Variants in SRGAP2B observed in about 807,000 individuals in gnomAD.
The protein encoded by SRGAP2B is SLIT-ROBO Rho GTPase activating protein 2B, also known as SLIT-ROBO Rho GTPase-activating protein 2B.
In SRGAP2B, 9 loss-of-function variants were observed where a neutral mutation model predicts 22.2. That is an observed-to-expected ratio of 0.41 (90% confidence interval 0.24 to 0.71). The LOEUF is 0.71. Among genes scored for constraint, SRGAP2B ranks in the 30% least tolerant of loss-of-function variants. The pLI, the probability that SRGAP2B is intolerant of heterozygous loss-of-function variation, is 0.35. For missense variants in SRGAP2B, 114 were observed against 235.8 expected (o/e 0.48, Z 3.38); for synonymous variants, 36 against 87.4 (o/e 0.41, Z 3.28).
chr1:145,089,985 G>C lies in SRGAP2B; in HGVS notation c.67+2850C>G, dbSNP rs1422668830. The stretch of plus-strand genomic sequence containing the variant: ...GTCATGTAACTTGCCTGAAGTGAAA[G>C]GCTATCTACTGGCAGAACCAAGATT... On this transcript the variant is annotated intron_variant, in intron 2 of 9. Transcript: ENST00000612199. Among the ~76,000 whole-genome samples the C allele has an allele frequency of 2.7e-5, 4 of 146,056 alleles. 1 individual carries two copies. The highest frequency in any genetic ancestry group is 5.9e-5 in the Non-Finnish European group (4 of 67,774).
chr1:144,985,609 T>C (rs1669653708), intron 3 of SRGAP2B, among the ~76,000 whole-genome samples: 1 of 150,508 alleles, frequency 6.6e-6, no homozygotes, highest in South Asian at 2.1e-4. Flanking sequence ...CAGCAACGCA[T>C]AGGAATACAT....
intron 2 of SRGAP2B, among the ~76,000 whole-genome samples, chr1:145,035,938 CAA>C (rs587600117): frequency 2.2e-5 from 2 of 92,198 alleles, no homozygotes; most frequent in East Asian, 3.2e-4. Context: ...TTTCAGAAGA[CAA>C]AAAAAAAAAA....
chr1:144,984,857 G>A (rs1386416996), intron 3 of SRGAP2B, among the ~76,000 whole-genome samples: 5 of 150,462 alleles, frequency 3.3e-5, no homozygotes, highest in Admixed American at 6.6e-5. Flanking sequence ...CAAGGGTCAA[G>A]GCCCTCCACA....
At chr1:145,042,556 A>AGGAG (rs1553627809) in intron 2 of SRGAP2B, among the ~76,000 whole-genome samples, 1 of 66,000 alleles carries the variant, frequency 1.5e-5, no homozygotes, top group East Asian at 3.5e-4. Flanking sequence ...CTGGGAAGTA[A>AGGAG]GGAGGGAATT....
rs1468828544 is a variant in SRGAP2B at position 145,040,573 on chromosome 1, G to A, written c.68-45373C>T. Reference sequence around the variant, plus strand: ...TGTAACATTAAAAATAGCCATGGACGATATACAAACCCATGGGTATGACTG... The same window carrying A: ...TGTAACATTAAAAATAGCCATGGACAATATACAAACCCATGGGTATGACTG... On this transcript the variant is annotated intron_variant, in intron 2 of 9. Transcript: ENST00000612199. 1.8e-4 allele frequency among the ~76,000 whole-genome samples: 27 copies of A among 149,996 alleles called. 1 individual carries two copies. The highest frequency in any genetic ancestry group is 3.4e-4 in the Non-Finnish European group (23 of 67,346).
intron 3 of SRGAP2B, among the ~76,000 whole-genome samples, chr1:144,970,391 G>A (rs1342304347): frequency 2.3e-4 from 26 of 115,158 alleles, no homozygotes; most frequent in East Asian, 2.2e-3. Flanking sequence ...GTAAACTATC[G>A]CAAGAACAAA....
chr1:144,999,900 A>T (rs1671007518), intron 2 of SRGAP2B, among the ~76,000 whole-genome samples: 1 of 147,940 alleles, frequency 6.8e-6, no homozygotes, highest in Non-Finnish European at 1.5e-5. Flanking sequence ...GAATATGTTT[A>T]AAAAATTGAA....
At chr1:144,913,258 A>T (rs1200532394) in intron 5 of SRGAP2B, among the ~76,000 whole-genome samples, 1 of 144,542 alleles carries the variant, frequency 6.9e-6, no homozygotes, top group Non-Finnish European at 1.5e-5. Context: ...AGCTGCAAAT[A>T]GTAGAGGGTC....
At chr1:144,902,741 G>A (rs1417909608) in intron 7 of SRGAP2B, among the ~76,000 whole-genome samples, 7 of 138,534 alleles carry the variant, frequency 5.1e-5, no homozygotes, top group Middle Eastern at 7.5e-3. Flanking sequence ...CAGCCTGGGC[G>A]ACAGAGAGAG....
At chr1:144,912,009 G>C (rs1255251142) in intron 5 of SRGAP2B, among the ~76,000 whole-genome samples, 2 of 139,856 alleles carry the variant, frequency 1.4e-5, no homozygotes, top group Non-Finnish European at 3.0e-5. Context: ...GGAGTGCAGT[G>C]GCACGATCTC....
chr1:144,934,473 T>A lies in SRGAP2B; in HGVS notation c.424-19719A>T, dbSNP rs1255962179. 2.0e-5 allele frequency among the ~76,000 whole-genome samples: 3 copies of A among 147,064 alleles called. No homozygotes were observed. The East Asian group carries it at 5.9e-4, about 29-fold the overall frequency. On this transcript the variant is annotated intron_variant, in intron 4 of 9. Transcript: ENST00000612199. The stretch of plus-strand genomic sequence containing the variant: ...GATGCCTGTTAATCTATAAAAAATG[T>A]GATATTTCCCCCCATTTCAGAATTT...
At chr1:144,996,268 C>A (rs12027856) in intron 2 of SRGAP2B, among the ~76,000 whole-genome samples, 1 of 149,306 alleles carries the variant, frequency 6.7e-6, no homozygotes, top group African/African-American at 2.5e-5. Flanking sequence ...CAATCCCCAT[C>A]TGAGTCAGAA....
intron 2 of SRGAP2B, among the ~76,000 whole-genome samples, chr1:145,007,380 G>A (rs1553621297): frequency 1.3e-5 from 2 of 150,748 alleles, no homozygotes; most frequent in East Asian, 3.9e-4. Context: ...TTAACAAAAA[G>A]AATCCCCGAA....
intron 2 of SRGAP2B, among the ~76,000 whole-genome samples, chr1:145,090,428 C>T (rs1358618713): frequency 6.7e-6 from 1 of 148,834 alleles, no homozygotes; most frequent in African/African-American, 2.5e-5. Context: ...TTCTCATCCT[C>T]TCTAAGCCTC....
intron 5 of SRGAP2B, among the ~76,000 whole-genome samples, chr1:144,911,807 G>A (rs1376065826): frequency 6.9e-6 from 1 of 145,010 alleles, no homozygotes; most frequent in African/African-American, 2.7e-5. Flanking sequence ...TTTTAGTAGA[G>A]ATGGGTTTTC....
intron 2 of SRGAP2B, among the ~76,000 whole-genome samples, chr1:145,045,306 A>C (rs1181649726): frequency 1.4e-5 from 2 of 143,506 alleles, no homozygotes; most frequent in African/African-American, 2.7e-5. Flanking sequence ...CAAAAAAAAA[A>C]AAAAAAAGAA....
rs1407746585 is a variant in SRGAP2B at position 144,925,610 on chromosome 1, C to A, written c.424-10856G>T. Among the ~76,000 whole-genome samples, 12 of 137,492 alleles carry A rather than the reference C, an allele frequency of 8.7e-5. 1 individual carries two copies. Among genetic ancestry groups the A allele is most frequent in the Non-Finnish European group, 1.5e-4 (10 of 66,086 alleles). 90.2% of individuals were successfully genotyped at this position (137,492 alleles called of 152,430 possible). ...AGTGAGCTGAGATTGCACTACTGCC[C>A]TCCAGCCTGGGTGACAGAGCAAGAC... On this transcript the variant is annotated intron_variant, in intron 4 of 9. Transcript: ENST00000612199.
At chr1:144,942,674 C>T (rs587613164) in intron 4 of SRGAP2B, among the ~76,000 whole-genome samples, 6 of 151,254 alleles carry the variant, frequency 4.0e-5, no homozygotes, top group Non-Finnish European at 7.4e-5. Flanking sequence ...CCTGCCTCCA[C>T]CTCCCAAAGT....
chr1:144,963,935 C>T (rs1472878274), intron 3 of SRGAP2B, among the ~76,000 whole-genome samples: 3 of 150,610 alleles, frequency 2.0e-5, no homozygotes, highest in Non-Finnish European at 2.9e-5. Context: ...AGATCTCCCC[C>T]TCCCAAACAC....
Sources: allele counts gnomAD v4.1 joint callset (sites outside exome capture counted in the v4.1 genomes callset), GRCh38; gene constraint gnomAD v4.1.1; transcripts MANE v1.5; gene names NCBI Gene and HGNC (gene_info 2026-07-23, HGNC 2026-07-21).